MYO1H: variants seen among roughly 807,000 people sequenced by gnomAD.
The protein encoded by MYO1H is unconventional myosin-Ih.
In MYO1H, 118 loss-of-function variants were observed where a neutral mutation model predicts 149.3. That is an observed-to-expected ratio of 0.79 (90% confidence interval 0.68 to 0.92). MYO1H has a LOEUF of 0.92. MYO1H is among the 40% of genes least tolerant of loss of function. The pLI, the probability that MYO1H is intolerant of heterozygous loss-of-function variation, is 0.00. For missense variants in MYO1H, 1,212 were observed against 1,280.7 expected, an observed-to-expected ratio of 0.95 and a Z score of 0.82; for synonymous variants, 447 against 465.2, an observed-to-expected ratio of 0.96 and a Z score of 0.50.
the MYO1H span, among the ~76,000 whole-genome samples, chr12:109,339,251 G>GCAC: frequency 1.3e-5 from 2 of 152,242 alleles, no homozygotes; most frequent in African/African-American, 4.8e-5. Flanking sequence ...TGTAATCCCA[G>GCAC]CTGTGCAGGA....
At chr12:109,313,303 C>T in the MYO1H span, among the ~76,000 whole-genome samples, 4 of 152,234 alleles carry the variant, frequency 2.6e-5, no homozygotes, top group East Asian at 7.7e-4. Context: ...TATCCAGTGC[C>T]CCCTCTCCAA....
At chr12:109,377,757 T>C (rs1373493357) in intron 1 of MYO1H, among the ~76,000 whole-genome samples, 1 of 152,228 alleles carries the variant, frequency 6.6e-6, no homozygotes, top group African/African-American at 2.4e-5. Context: ...TTTAAATAAG[T>C]ATTATGAAAA....
At chr12:109,336,372 A>G in the MYO1H span, among the ~76,000 whole-genome samples, 1 of 152,170 alleles carries the variant, frequency 6.6e-6, no homozygotes, top group Non-Finnish European at 1.5e-5. Flanking sequence ...TTAGAATGTT[A>G]GGGGAGAGAG....
intron 1 of MYO1H, among the ~76,000 whole-genome samples, chr12:109,381,782 C>T (rs139979104): frequency 8.6e-4 from 131 of 152,194 alleles, no homozygotes; most frequent in African/African-American, 2.9e-3. Context: ...GTCAATATCG[C>T]ACCACTGCAC....
At chr12:109,445,536 G>T (rs1872441421) in exon 31 of MYO1H, 1 of 1,611,018 alleles carries the variant, frequency 6.2e-7, no homozygotes, top group South Asian at 1.1e-5. Context: ...ATTAGTCCGG[G>T]AAAAGAAGGC....
chr12:109,399,977 G>A (rs1367482123), intron 5 of MYO1H, among the ~76,000 whole-genome samples: 1 of 152,068 alleles, frequency 6.6e-6, no homozygotes, highest in Non-Finnish European at 1.5e-5. Flanking sequence ...CCTTCCCACT[G>A]CCCACTGTTC....
intron 31 of MYO1H, among the ~76,000 whole-genome samples, chr12:109,446,725 C>G (rs543426051): frequency 6.6e-6 from 1 of 152,338 alleles, no homozygotes; most frequent in Non-Finnish European, 1.5e-5. Context: ...GATCGCACCA[C>G]TACACTCCAG....
chr12:109,442,388 T>C (rs2135604037), intron 27 of MYO1H, 116 bp downstream of exon 27: 3 of 801,256 alleles, frequency 3.7e-6, no homozygotes, highest in Non-Finnish European at 6.3e-6. Context: ...GCTGGGCAGC[T>C]GGGGCTCTCA....
At chr12:109,359,450 A>C (rs1868691370) in intron 1 of MYO1H, 1 of 152,090 alleles carries the variant, frequency 6.6e-6, no homozygotes, top group Admixed American at 6.5e-5. Flanking sequence ...ATGAGTGTCA[A>C]AGTAGGCAGG....
intron 1 of MYO1H, among the ~76,000 whole-genome samples, chr12:109,361,748 G>A (rs1464319834): frequency 1.4e-5 from 2 of 145,612 alleles, no homozygotes; most frequent in Admixed American, 1.5e-4. Flanking sequence ...GGTCGAGGTT[G>A]CAGTGAGCTG....
chr12:109,430,901 G>T (rs1034674402), intron 19 of MYO1H, among the ~76,000 whole-genome samples: 1 of 151,976 alleles, frequency 6.6e-6, no homozygotes, highest in African/African-American at 2.4e-5. Flanking sequence ...ACTCCAGTCT[G>T]GGTGACAGAG....
the MYO1H span, among the ~76,000 whole-genome samples, chr12:109,341,962 T>C: frequency 6.6e-6 from 1 of 152,120 alleles, no homozygotes; most frequent in Non-Finnish European, 1.5e-5. Context: ...GGCCTGGTCA[T>C]TGATAATCTG....
chr12:109,415,422 G>A, intron 14 of MYO1H, 104 bp from the exon 15 acceptor site: 1 of 1,059,214 alleles, frequency 9.4e-7, no homozygotes, highest in Non-Finnish European at 1.4e-6. Flanking sequence ...GTTGCCGTGA[G>A]CCAAGATTGT....
At chr12:109,390,138 A>T (rs1234444022) in intron 2 of MYO1H, among the ~76,000 whole-genome samples, 1 of 151,740 alleles carries the variant, frequency 6.6e-6, no homozygotes, top group Non-Finnish European at 1.5e-5. Flanking sequence ...TTTTATTGAA[A>T]CTTCTCTGCT....
intron 1 of MYO1H, among the ~76,000 whole-genome samples, chr12:109,375,135 G>A (rs149438238): frequency 0.06 from 8,914 of 147,598 alleles, 863 homozygotes; most frequent in African/African-American, 0.21. Context: ...GATTACAGGC[G>A]TAAGCCACCA....
chr12:109,332,887 G>A, the MYO1H span, among the ~76,000 whole-genome samples: 9 of 152,296 alleles, frequency 5.9e-5, no homozygotes, highest in South Asian at 1.9e-3. Context: ...CCAGCCTGGT[G>A]CAGATCTTAA....
chr12:109,399,345 A>G (rs1870055749), intron 5 of MYO1H, among the ~76,000 whole-genome samples: 1 of 152,090 alleles, frequency 6.6e-6, no homozygotes, highest in South Asian at 2.1e-4. Context: ...TAATCCCAGC[A>G]CTTTGGGAGG....
At chr12:109,352,179 A>G (rs1173932936) in intron 1 of MYO1H, among the ~76,000 whole-genome samples, 1 of 152,160 alleles carries the variant, frequency 6.6e-6, no homozygotes, top group Non-Finnish European at 1.5e-5. Flanking sequence ...TTTTCCATAA[A>G]AATAGCTTTT....
chr12:109,416,379 G>GT (rs397968119), intron 15 of MYO1H, among the ~76,000 whole-genome samples: 38,079 of 143,028 alleles, frequency 0.27, 5,191 homozygotes, highest in East Asian at 0.37. Flanking sequence ...GTTGTTGTTG[G>GT]TTTTTTTTTT....
Sources: allele counts gnomAD v4.1 joint callset (sites outside exome capture counted in the v4.1 genomes callset), GRCh38; gene constraint gnomAD v4.1.1; transcripts MANE v1.5; gene names NCBI Gene and HGNC (gene_info 2026-07-23, HGNC 2026-07-21).